The following WDR27 variants were observed in gnomAD, a reference collection of about 807,000 sequenced individuals.
WDR27 encodes the protein WD repeat domain 27.
Under a neutral mutation model 114.4 loss-of-function variants are expected in WDR27, and 100 were observed. That is an observed-to-expected ratio of 0.87 (90% CI 0.74 to 1.03). The LOEUF (loss-of-function observed/expected upper bound fraction) is 1.03, where lower values mean the gene tolerates loss of function less well. Among genes scored for constraint, WDR27 ranks in the 50% least tolerant of loss-of-function variants. The probability of loss-of-function intolerance (pLI) is 0.00; values close to 1 mark genes in which losing one functional copy is unlikely to be tolerated. For synonymous variants in WDR27, 449 were observed against 423.1 expected (o/e 1.06, Z -0.75); for missense variants, 1,129 against 1,092.9 (o/e 1.03, Z -0.47).
At chr6:169,567,184 C>T (rs1315525582) in intron 25 of WDR27, among the ~76,000 whole-genome samples, 1 of 152,196 alleles carries the variant, frequency 6.6e-6, no homozygotes, top group Non-Finnish European at 1.5e-5. Context: ...GGGGAGGACC[C>T]GGGATGCCAC....
intron 22 of WDR27, among the ~76,000 whole-genome samples, chr6:169,610,673 A>T (rs532621464): frequency 6.6e-6 from 1 of 152,308 alleles, no homozygotes; most frequent in South Asian, 2.1e-4. Flanking sequence ...GAAAAAAGAA[A>T]ATGTGGTATA....
chr6:169,557,439 C>T (rs915194588), intron 25 of WDR27, among the ~76,000 whole-genome samples: 1 of 152,142 alleles, frequency 6.6e-6, no homozygotes, highest in Non-Finnish European at 1.5e-5. Flanking sequence ...GCAGGTGCAC[C>T]TGTGATGCGG....
At chr6:169,622,197 C>T (rs921238018) in intron 21 of WDR27, among the ~76,000 whole-genome samples, 8 of 152,138 alleles carry the variant, frequency 5.3e-5, no homozygotes, top group African/African-American at 1.7e-4. Flanking sequence ...CTTTCCAGAC[C>T]GAAGCAATGT....
At chr6:169,691,292 C>T (rs1784443187) in intron 1 of WDR27, among the ~76,000 whole-genome samples, 1 of 151,926 alleles carries the variant, frequency 6.6e-6, no homozygotes, top group Non-Finnish European at 1.5e-5. Context: ...TGGAGAAAAA[C>T]AAAATAAAAG....
chr6:169,647,046 C>A (rs1472804724), intron 16 of WDR27, among the ~76,000 whole-genome samples: 1 of 152,154 alleles, frequency 6.6e-6, no homozygotes, highest in Admixed American at 6.5e-5. Context: ...GTGTCCAGCC[C>A]CAGGCAGGGG....
chr6:169,605,276 T>TACAA (rs1157676726), intron 22 of WDR27, among the ~76,000 whole-genome samples: 3 of 151,798 alleles, frequency 2.0e-5, no homozygotes, highest in African/African-American at 7.3e-5. Context: ...AATTTCAGGA[T>TACAA]ACAAAATCAA....
chr6:169,526,349 G>A (rs112440343), intron 25 of WDR27, among the ~76,000 whole-genome samples: 9,434 of 152,046 alleles, frequency 0.062, 847 homozygotes, highest in African/African-American at 0.2. Flanking sequence ...GCGGTGGCTC[G>A]CACCTGTAAT....
At chr6:169,692,163 G>A (rs919206650) in intron 1 of WDR27, among the ~76,000 whole-genome samples, 2 of 152,210 alleles carry the variant, frequency 1.3e-5, no homozygotes. Context: ...GCAGCCAAGC[G>A]AAATATAAAA....
At chr6:169,593,123 T>C (rs1472655701) in intron 23 of WDR27, among the ~76,000 whole-genome samples, 1 of 152,262 alleles carries the variant, frequency 6.6e-6, no homozygotes, top group African/African-American at 2.4e-5. Context: ...TCAAGTTTTC[T>C]ATCAGTTATG....
chr6:169,640,688 C>T (rs2128226896), intron 17 of WDR27, among the ~76,000 whole-genome samples: 1 of 152,358 alleles, frequency 6.6e-6, no homozygotes, highest in African/African-American at 2.4e-5. Context: ...TCCAGGCAGC[C>T]TGGGCCATAA....
chr6:169,547,925 A>C (rs1277654829), intron 25 of WDR27, among the ~76,000 whole-genome samples: 4 of 152,180 alleles, frequency 2.6e-5, no homozygotes, highest in Admixed American at 6.5e-5. Context: ...CAAAAAAAAA[A>C]AACCTTCTGG....
intron 22 of WDR27, among the ~76,000 whole-genome samples, chr6:169,602,937 G>A (rs376425477): frequency 6.6e-6 from 1 of 151,094 alleles, no homozygotes; most frequent in East Asian, 2.0e-4. Context: ...TGCCTCCCGG[G>A]TTCAAGCAAT....
At position 169,502,737 on chromosome 6, in the gene WDR27, A is replaced by C. The variant is rs111942917; in HGVS notation, c.2646-45103T>G. Among the ~76,000 whole-genome samples the C allele has an allele frequency of 2.4e-3, 372 of 151,900 alleles. 2 individuals carry two copies. Among genetic ancestry groups the C allele is most frequent in the African/African-American group, 8.7e-3 (359 of 41,434 alleles). On this transcript the variant is annotated intron_variant, in intron 25 of 25. Coordinates refer to ENST00000448612, the MANE Select transcript of WDR27 (RefSeq NM_182552.5). ...CTGGGTCACCCGGGGTGCTCTCCTCATCTCCAGGTCAGCCGATCGCAGCCT... is the reference window on the plus strand; with the variant it reads ...CTGGGTCACCCGGGGTGCTCTCCTCCTCTCCAGGTCAGCCGATCGCAGCCT...
At chr6:169,429,976 G>C in the WDR27 span, among the ~76,000 whole-genome samples, 1 of 152,170 alleles carries the variant, frequency 6.6e-6, no homozygotes, top group Non-Finnish European at 1.5e-5. Context: ...ATTTCCCTTC[G>C]AGTTGTGTTT....
intron 24 of WDR27, among the ~76,000 whole-genome samples, chr6:169,582,525 T>A (rs974376922): frequency 6.6e-6 from 1 of 152,184 alleles, no homozygotes; most frequent in Non-Finnish European, 1.5e-5. Context: ...TTTGTCTACA[T>A]GTAACCGTAT....
intron 25 of WDR27, among the ~76,000 whole-genome samples, chr6:169,459,276 C>A (rs922465503): frequency 6.6e-6 from 1 of 151,220 alleles, no homozygotes; most frequent in Admixed American, 6.6e-5. Flanking sequence ...TAAAACGAAA[C>A]AAAAAAATTT....
intron 25 of WDR27, among the ~76,000 whole-genome samples, chr6:169,553,752 C>T (rs375573594): frequency 6.6e-6 from 1 of 152,304 alleles, no homozygotes; most frequent in South Asian, 2.1e-4. Flanking sequence ...TCTCTTCTCC[C>T]AGAACAAACT....
chr6:169,525,368 C>T (rs910131578), intron 25 of WDR27, among the ~76,000 whole-genome samples: 2 of 151,752 alleles, frequency 1.3e-5, no homozygotes, highest in African/African-American at 4.8e-5. Flanking sequence ...AACCCCGTCT[C>T]TACTAAAAAT....
chr6:169,656,050 G>C (rs1824096329), intron 13 of WDR27, among the ~76,000 whole-genome samples: 1 of 151,942 alleles, frequency 6.6e-6, no homozygotes, highest in Admixed American at 6.5e-5. Context: ...ACAGCTCTCA[G>C]CAGAGAGGGG....
Sources: gnomAD v4.1 joint callset for allele counts (sites outside exome capture counted in the v4.1 genomes callset) on GRCh38, gnomAD v4.1.1 for gene constraint, MANE v1.5 for transcripts, NCBI Gene and HGNC (gene_info 2026-07-23, HGNC 2026-07-21) for gene names.